NEK5: variants seen among roughly 807,000 people sequenced by gnomAD.
The protein encoded by NEK5 is serine/threonine-protein kinase Nek5.
NEK5 carries 88 observed loss-of-function variants against 109.2 expected under a neutral mutation model. The ratio of observed to expected loss-of-function variants is 0.81; its 90% confidence interval spans 0.68 to 0.96. The LOEUF (loss-of-function observed/expected upper bound fraction) is 0.96. Among genes scored for constraint, NEK5 ranks in the 40% least tolerant of loss-of-function variants. The pLI, the probability that NEK5 is intolerant of heterozygous loss-of-function variation, is 0.00. For missense variants in NEK5, 834 were observed against 920.7 expected, an observed-to-expected ratio of 0.91 and a Z score of 1.22; for synonymous variants, 283 against 299.9, an observed-to-expected ratio of 0.94 and a Z score of 0.58.
chr13:52,079,667 C>T (rs1363370099), intron 17 of NEK5, among the ~76,000 whole-genome samples: 1 of 152,408 alleles, frequency 6.6e-6, no homozygotes, highest in East Asian at 1.9e-4. Flanking sequence ...CACCTCCCAC[C>T]CGCCTGCCTT....
intron 23 of NEK5, among the ~76,000 whole-genome samples, chr13:52,049,239 A>C (rs1246628178): frequency 6.6e-6 from 1 of 152,092 alleles, no homozygotes; most frequent in Non-Finnish European, 1.5e-5. Context: ...CCTGCACAAC[A>C]TAACAAGACC....
intron 22 of NEK5, among the ~76,000 whole-genome samples, chr13:52,055,835 G>A (rs1247390868): frequency 1.3e-5 from 2 of 152,112 alleles, no homozygotes; most frequent in East Asian, 1.9e-4. Flanking sequence ...ACCAGCCACT[G>A]CAAAATCATG....
intron 22 of NEK5, among the ~76,000 whole-genome samples, chr13:52,056,744 C>G (rs9535842): frequency 5.3e-5 from 8 of 150,952 alleles, no homozygotes; most frequent in Admixed American, 5.3e-4. Context: ...GTTCTTTGAA[C>G]CCAACGAGAA....
chr13:52,069,787 C>T (rs1954756156), intron 20 of NEK5, among the ~76,000 whole-genome samples: 1 of 152,202 alleles, frequency 6.6e-6, no homozygotes, highest in Non-Finnish European at 1.5e-5. Flanking sequence ...TCTTGCCCTC[C>T]ATGCCATCCT....
intron 3 of NEK5, among the ~76,000 whole-genome samples, chr13:52,125,387 C>A (rs1956045732): frequency 6.6e-6 from 1 of 152,174 alleles, no homozygotes; most frequent in South Asian, 2.1e-4. Flanking sequence ...CACAGTGAAA[C>A]CCCGTCTCTA....
In NEK5 at chr13:52,116,526, A is replaced by G. The variant is rs529329202; in HGVS notation, c.214+2793T>C. On this transcript the variant is annotated intron_variant, in intron 4 of 23. Transcript: ENST00000684899. ...GTAAATGAAATCTATAACAACCTAA[A>G]TAAGCTTAGAAGAGGACCATGAGCC... 2.0e-5 allele frequency among the ~76,000 whole-genome samples: 3 copies of G among 152,290 alleles called. No homozygotes were observed. The East Asian group carries it at 5.8e-4, about 29-fold the overall frequency.
intron 3 of NEK5, among the ~76,000 whole-genome samples, chr13:52,126,044 TG>T (rs1956058917): frequency 6.6e-6 from 1 of 152,234 alleles, no homozygotes; most frequent in Admixed American, 6.5e-5. Flanking sequence ...TACAGTTCAA[TG>T]GCATTAAGTA....
At position 52,075,842 on chromosome 13, in the gene NEK5, A is replaced by G; in HGVS notation, c.1654-16T>C. ...TTACCCCCTTCTAGGAGAAAGCAAA[A>G]AAAAAAAAAAAGTTTAGCAATTCAG... On this transcript the variant is annotated splice_polypyrimidine_tract_variant and intron_variant, in intron 18 of 23. Transcript: ENST00000684899. 6.8e-7 allele frequency: 1 copy of G among 1,468,882 alleles called. No individual in the cohort carries two copies. 91.0% of individuals were successfully genotyped at this position (1,468,882 alleles called of 1,614,324 possible). A position where few individuals can be genotyped will look rare whatever the true frequency, so the allele number is the denominator to read the frequency against.
intron 22 of NEK5, among the ~76,000 whole-genome samples, chr13:52,051,843 C>T (rs1954508699): frequency 6.6e-6 from 1 of 152,186 alleles, no homozygotes; most frequent in Admixed American, 6.5e-5. Context: ...GATCTTTACC[C>T]TAAAACAATT....
intron 20 of NEK5, among the ~76,000 whole-genome samples, chr13:52,068,748 C>G (rs1026112977): frequency 6.6e-6 from 1 of 152,156 alleles, no homozygotes; most frequent in South Asian, 2.1e-4. Context: ...GTGGGCAGAT[C>G]ACCTGAGATC....
chr13:52,052,685 G>T (rs1459239699), intron 22 of NEK5, among the ~76,000 whole-genome samples: 1 of 151,744 alleles, frequency 6.6e-6, no homozygotes, highest in Non-Finnish European at 1.5e-5. Context: ...AAAAAAAAAA[G>T]ATTTATATCT....
chr13:52,080,288 C>T (rs1319075543), intron 17 of NEK5, among the ~76,000 whole-genome samples: 54 of 149,154 alleles, frequency 3.6e-4, no homozygotes, highest in African/African-American at 1.1e-3. Context: ...GCCCCCCGCC[C>T]GGCCAGCCGC....
At position 52,075,555 on chromosome 13, in the gene NEK5, T is replaced by C. The variant is rs139978966; in HGVS notation, c.1722+203A>G. Among the ~76,000 whole-genome samples, 101 of 152,262 alleles carry C rather than the reference T, an allele frequency of 6.6e-4. 1 individual carries two copies. The highest frequency in any genetic ancestry group is 2.3e-3 in the African/African-American group (96 of 41,564). ...ACTACTGGGTATTATGCTCAATACCTGGGTGACGGGATCATTCATATCCCA... is the reference window on the plus strand; with the variant it reads ...ACTACTGGGTATTATGCTCAATACCCGGGTGACGGGATCATTCATATCCCA... On this transcript the variant is annotated intron_variant, in intron 19 of 23. Transcript: ENST00000684899.
At chr13:52,122,057 A>G (rs1373062817) in intron 3 of NEK5, among the ~76,000 whole-genome samples, 1 of 152,104 alleles carries the variant, frequency 6.6e-6, no homozygotes, top group East Asian at 1.9e-4. Context: ...ACTTGCCACC[A>G]TGCCCAGCTA....
At chr13:52,113,624 A>AT (rs1463433715) in intron 4 of NEK5, among the ~76,000 whole-genome samples, 2 of 151,490 alleles carry the variant, frequency 1.3e-5, no homozygotes, top group Non-Finnish European at 2.9e-5. Flanking sequence ...ATTTCCTTAA[A>AT]TTTTTTTTCT....
At chr13:52,073,605 GT>G (rs1279780491) in intron 19 of NEK5, among the ~76,000 whole-genome samples, 1 of 151,968 alleles carries the variant, frequency 6.6e-6, no homozygotes, top group Non-Finnish European at 1.5e-5. Flanking sequence ...GTGAGCCACC[GT>G]TCCCTGGCCT....
intron 23 of NEK5, among the ~76,000 whole-genome samples, chr13:52,048,398 C>G (rs767534780): frequency 7.2e-5 from 11 of 151,882 alleles, no homozygotes; most frequent in Non-Finnish European, 1.5e-4. Flanking sequence ...ACTGTGAGAC[C>G]CCCATCTCTA....
chr13:52,065,695 G>T, intron 20 of NEK5, 86 bp from the exon 21 acceptor site: 1 of 909,630 alleles, frequency 1.1e-6, no homozygotes, highest in Non-Finnish European at 1.7e-6. Flanking sequence ...CTCAGAGGCA[G>T]TTTATCAGCA....
intron 21 of NEK5, among the ~76,000 whole-genome samples, chr13:52,064,368 C>G (rs1954651384): frequency 7.1e-6 from 1 of 141,200 alleles, no homozygotes; most frequent in South Asian, 2.3e-4. Context: ...GGTCAGCCCC[C>G]CCGCCCGGCC....
Sources: gnomAD v4.1 joint callset for allele counts (sites outside exome capture counted in the v4.1 genomes callset) on GRCh38, gnomAD v4.1.1 for gene constraint, MANE v1.5 for transcripts, NCBI Gene and HGNC (gene_info 2026-07-23, HGNC 2026-07-21) for gene names.